LMX1A: variants seen among roughly 807,000 people sequenced by gnomAD.
LMX1A encodes the protein LIM homeobox transcription factor 1-alpha.
LMX1A carries 15 observed loss-of-function variants against 49.1 expected under a neutral mutation model. The ratio of observed to expected loss-of-function variants is 0.31; its 90% CI spans 0.20 to 0.47. The LOEUF (loss-of-function observed/expected upper bound fraction) is 0.47. Ranked by LOEUF, LMX1A falls within the 20% of genes least tolerant of loss-of-function variation. The pLI, the probability that LMX1A is intolerant of heterozygous loss-of-function variation, is 1.00. For synonymous variants in LMX1A, 167 were observed against 185.7 expected, an observed-to-expected ratio of 0.90 and a Z score of 0.82; for missense variants, 372 against 475.8, an observed-to-expected ratio of 0.78 and a Z score of 2.03.
At chr1:165,309,918 C>T (rs1655027901) in intron 3 of LMX1A, among the ~76,000 whole-genome samples, 1 of 152,200 alleles carries the variant, frequency 6.6e-6, no homozygotes, top group Non-Finnish European at 1.5e-5. Flanking sequence ...ACAGTCATTT[C>T]CTCAAAGATG....
At chr1:165,313,630 T>C (rs1476087895) in intron 3 of LMX1A, among the ~76,000 whole-genome samples, 2 of 152,080 alleles carry the variant, frequency 1.3e-5, no homozygotes, top group African/African-American at 4.8e-5. Flanking sequence ...TTGCCAGCCC[T>C]AGGCCTGAAG....
At chr1:165,286,885 C>T (rs1654317105) in intron 3 of LMX1A, among the ~76,000 whole-genome samples, 1 of 152,054 alleles carries the variant, frequency 6.6e-6, no homozygotes, top group African/African-American at 2.4e-5. Flanking sequence ...GATAATATTA[C>T]CCTATAAGTG....
intron 3 of LMX1A, among the ~76,000 whole-genome samples, chr1:165,271,902 C>T (rs1384602879): frequency 6.6e-6 from 1 of 152,168 alleles, no homozygotes; most frequent in Non-Finnish European, 1.5e-5. Context: ...CCCACTTTTG[C>T]CTTACTTTAA....
rs1485103548 is a variant in LMX1A, at chr1:165,202,119, C to T, written c.*1761G>A. On this transcript the variant is annotated 3_prime_UTR_variant, in exon 9 of 9. Transcript: ENST00000342310. ...GACTCTACCATAAGGGGACATGTTC[C>T]CTCTGGCCTTGCCAGAGTGATAGGG... 6.6e-6 allele frequency: 1 copy of T among 152,558 alleles called. No homozygotes were observed. Among genetic ancestry groups the T allele is most frequent in the Non-Finnish European group, 1.5e-5 (1 of 68,038 alleles). The allele number at this position is 152,558 out of a possible 1,614,324, so 9.5% of individuals were successfully genotyped here. A position where few individuals can be genotyped will look rare whatever the true frequency, so the allele number is the denominator to read the frequency against.
intron 3 of LMX1A, among the ~76,000 whole-genome samples, chr1:165,256,507 T>C (rs1355776728): frequency 1.3e-5 from 2 of 152,184 alleles, no homozygotes; most frequent in Non-Finnish European, 2.9e-5. Flanking sequence ...GATAGTGTTT[T>C]ACCATGACAC....
intron 4 of LMX1A, among the ~76,000 whole-genome samples, chr1:165,231,409 C>T (rs1165319211): frequency 6.6e-6 from 1 of 151,938 alleles, no homozygotes; most frequent in Non-Finnish European, 1.5e-5. Context: ...GCTCAACCAT[C>T]CTACAGCCTC....
chr1:165,204,131 C>T lies in LMX1A; in HGVS notation c.989-91G>A, dbSNP rs183755148. 1,952 of 1,377,840 alleles carry T rather than the reference C, an allele frequency of 1.4e-3. 9 individuals are homozygous for T. The highest frequency in any genetic ancestry group is 1.4e-3 in the Non-Finnish European group (1,375 of 991,588). 85.4% of individuals were successfully genotyped at this position (1,377,840 alleles called of 1,614,324 possible). ...TTCAGCTGAATTCAACAAGTGTTGCCTGAGCACAGGCTCCAGGTGAAACTT... is the reference window on the plus strand; with the variant it reads ...TTCAGCTGAATTCAACAAGTGTTGCTTGAGCACAGGCTCCAGGTGAAACTT... On this transcript the variant is annotated intron_variant, in intron 8 of 8. Transcript: ENST00000342310.
chr1:165,222,933 C>T (rs2102613772), intron 4 of LMX1A, among the ~76,000 whole-genome samples: 1 of 152,258 alleles, frequency 6.6e-6, no homozygotes, highest in South Asian at 2.1e-4. Flanking sequence ...GCTGTGTGAC[C>T]TAAGGCAAAT....
At chr1:165,328,383 G>C (rs1185244921) in intron 3 of LMX1A, among the ~76,000 whole-genome samples, 1 of 152,230 alleles carries the variant, frequency 6.6e-6, no homozygotes, top group Non-Finnish European at 1.5e-5. Context: ...AAGTTCACAA[G>C]AGGATACAAG....
intron 3 of LMX1A, among the ~76,000 whole-genome samples, chr1:165,350,173 C>CAAAA (rs60150264): frequency 4.0e-3 from 316 of 79,952 alleles, no homozygotes; most frequent in East Asian, 6.3e-3. Context: ...AAAGATCCAC[C>CAAAA]AAAAAAAAAA....
At chr1:165,301,323 C>T (rs190201170) in intron 3 of LMX1A, among the ~76,000 whole-genome samples, 4 of 152,284 alleles carry the variant, frequency 2.6e-5, no homozygotes, top group East Asian at 1.9e-4. Context: ...CGCTGCACAA[C>T]GTTTGGCTTA....
At chr1:165,270,919 T>A (rs574946085) in intron 3 of LMX1A, among the ~76,000 whole-genome samples, 2 of 152,276 alleles carry the variant, frequency 1.3e-5, no homozygotes, top group South Asian at 4.2e-4. Flanking sequence ...CCAGTGACAA[T>A]TTCCTCTTCC....
chr1:165,296,978 C>G (rs533021508), intron 3 of LMX1A, among the ~76,000 whole-genome samples: 1 of 152,194 alleles, frequency 6.6e-6, no homozygotes, highest in African/African-American at 2.4e-5. Flanking sequence ...CAGGAAGGTC[C>G]GCAAACTCCT....
chr1:165,235,463 G>C (rs1652397922), intron 4 of LMX1A, among the ~76,000 whole-genome samples: 1 of 152,206 alleles, frequency 6.6e-6, no homozygotes, highest in Non-Finnish European at 1.5e-5. Context: ...ACCTGCCTCG[G>C]AAAGCCCTCT....
chr1:165,295,911 T>C (rs1654602184), intron 3 of LMX1A, among the ~76,000 whole-genome samples: 1 of 152,110 alleles, frequency 6.6e-6, no homozygotes, highest in Non-Finnish European at 1.5e-5. Context: ...AGGTCTGGGG[T>C]GCCATCCTGG....
intron 3 of LMX1A, among the ~76,000 whole-genome samples, chr1:165,336,783 A>C (rs184876263): frequency 6.6e-6 from 1 of 152,186 alleles, no homozygotes; most frequent in Non-Finnish European, 1.5e-5. Flanking sequence ...TGCCTATCCT[A>C]TTCCAGGCAT....
intron 3 of LMX1A, among the ~76,000 whole-genome samples, chr1:165,346,163 C>G (rs1656239029): frequency 6.6e-6 from 1 of 152,108 alleles, no homozygotes; most frequent in African/African-American, 2.4e-5. Context: ...TCCATAGTGG[C>G]CAGACAGCTC....
At chr1:165,234,012 C>A (rs1652331565) in intron 4 of LMX1A, among the ~76,000 whole-genome samples, 1 of 152,220 alleles carries the variant, frequency 6.6e-6, no homozygotes, top group South Asian at 2.1e-4. Flanking sequence ...CCATCCTCCC[C>A]ACTCCTCTTT....
At chr1:165,328,220 G>A (rs77406897) in intron 3 of LMX1A, among the ~76,000 whole-genome samples, 2,274 of 152,324 alleles carry the variant, frequency 0.015, 52 homozygotes, top group African/African-American at 0.052. Flanking sequence ...CAAAGTATCC[G>A]TTCTGTGACC....
Sources: allele counts gnomAD v4.1 joint callset (sites outside exome capture counted in the v4.1 genomes callset), GRCh38; gene constraint gnomAD v4.1.1; transcripts MANE v1.5; gene names NCBI Gene and HGNC (gene_info 2026-07-23, HGNC 2026-07-21).